The following C7 variants were observed in gnomAD, a reference collection of about 807,000 sequenced individuals.
The protein encoded by C7 is complement component C7.
Under a neutral mutation model 104.8 loss-of-function variants are expected in C7, and 83 were observed. The ratio of observed to expected loss-of-function variants is 0.79; its 90% confidence interval spans 0.66 to 0.95. The LOEUF (loss-of-function observed/expected upper bound fraction) is 0.95. C7 is among the 40% of genes least tolerant of loss of function. The pLI is 0.00. For synonymous variants in C7, 415 were observed against 360.6 expected, an observed-to-expected ratio of 1.15 and a Z score of -1.71; for missense variants, 1,070 against 1,011.2, an observed-to-expected ratio of 1.06 and a Z score of -0.79.
At chr5:40,933,597 G>A (rs1739741987) in intron 3 of C7, among the ~76,000 whole-genome samples, 1 of 152,144 alleles carries the variant, frequency 6.6e-6, no homozygotes, top group Non-Finnish European at 1.5e-5. Flanking sequence ...TTCCTTTGTA[G>A]ATGTAGCTTC....
intron 4 of C7, among the ~76,000 whole-genome samples, chr5:40,935,980 CT>C (rs138674554): frequency 0.052 from 7,879 of 152,200 alleles, 270 homozygotes; most frequent in Non-Finnish European, 0.072. Context: ...ACTTTGTCAT[CT>C]TAGAATGACA....
At position 40,958,199 on chromosome 5, in the gene C7, A is replaced by G. The variant is rs1473024919; in HGVS notation, c.1427A>G (p.His476Arg). 6.2e-6 allele frequency: 10 copies of G among 1,613,574 alleles called. No individual in the cohort carries two copies. Among genetic ancestry groups the G allele is most frequent in the Non-Finnish European group, 8.5e-6 (10 of 1,179,682 alleles). ...GTTGAGGGGACCCATTGTCTGTGCC[A>G]TTGCAAACCGTACACATTTGGTGCG... is the stretch of plus-strand genomic sequence containing the variant. ...ATVEGTHCLC[H>R]CKPYTFGAAC... The change falls in exon 11 of 18, where the codon CAT becomes CGT. Residue 476 changes from histidine (H) to arginine (R), a missense_variant. Transcript: ENST00000313164.
chr5:40,961,004 A>G (rs1329851463), intron 12 of C7, among the ~76,000 whole-genome samples: 1 of 152,146 alleles, frequency 6.6e-6, no homozygotes, highest in African/African-American at 2.4e-5. Context: ...TTTAGGCTTA[A>G]GATTCTTACT....
chr5:40,971,207 G>T (rs1740691583), intron 14 of C7, among the ~76,000 whole-genome samples: 1 of 152,174 alleles, frequency 6.6e-6, no homozygotes, highest in African/African-American at 2.4e-5. Flanking sequence ...TACCAATAGT[G>T]TAAAAGCGTT....
chr5:40,953,064 G>T (rs1458709411), intron 9 of C7, among the ~76,000 whole-genome samples: 1 of 152,076 alleles, frequency 6.6e-6, no homozygotes, highest in African/African-American at 2.4e-5. Flanking sequence ...TCAGATGATT[G>T]TGATTCAGTA....
In C7 at chr5:40,984,553, G is replaced by A. The variant is rs541046381; in HGVS notation, c.*2980G>A. Among the ~76,000 whole-genome samples the A allele has an allele frequency of 8.5e-5, 13 of 152,212 alleles. No individual in the cohort carries two copies. The highest frequency in any genetic ancestry group is 1.3e-4 in the Non-Finnish European group (9 of 68,018). On this transcript the variant is annotated 3_prime_UTR_variant, in exon 18 of 18. Coordinates refer to ENST00000313164, the MANE Select transcript of C7 (RefSeq NM_000587.4). ...CTAGTATGTGTCCATTTATGTGCCC[G>A]GCTTATTATGTGTCCACTTATGTGT...
At chr5:40,972,625 C>T (rs959972422) in intron 15 of C7, 31 bp downstream of exon 15, 2 of 1,546,186 alleles carry the variant, frequency 1.3e-6, no homozygotes, top group Non-Finnish European at 8.7e-7. Context: ...TCCAAGGACA[C>T]TTGTACCCAG....
At chr5:40,931,465 A>C (rs1469813845) in intron 3 of C7, among the ~76,000 whole-genome samples, 1 of 152,226 alleles carries the variant, frequency 6.6e-6, no homozygotes, top group African/African-American at 2.4e-5. Context: ...TGACATTTTT[A>C]GATAATGTAA....
At chr5:40,970,645 G>A (rs1370258282) in intron 14 of C7, among the ~76,000 whole-genome samples, 1 of 152,052 alleles carries the variant, frequency 6.6e-6, no homozygotes, top group South Asian at 2.1e-4. Flanking sequence ...GAATGTGCAG[G>A]TTTGTTACAT....
chr5:40,942,347 T>C (rs760740936), intron 6 of C7, among the ~76,000 whole-genome samples: 1 of 151,914 alleles, frequency 6.6e-6, no homozygotes, highest in Non-Finnish European at 1.5e-5. Context: ...GAACAATCAA[T>C]CCATCTAATC....
At chr5:40,933,361 T>C (rs1233554369) in intron 3 of C7, among the ~76,000 whole-genome samples, 1 of 152,172 alleles carries the variant, frequency 6.6e-6, no homozygotes, top group Non-Finnish European at 1.5e-5. Context: ...TTGGTTCCGT[T>C]TTGTTTGTTA....
At chr5:40,952,460 G>A (rs933347432) in intron 9 of C7, among the ~76,000 whole-genome samples, 1 of 134,768 alleles carries the variant, frequency 7.4e-6, no homozygotes, top group African/African-American at 2.7e-5. Flanking sequence ...ACATCATGAT[G>A]GTAGAATCTG....
At chr5:40,923,786 C>A (rs927775824) in intron 1 of C7, among the ~76,000 whole-genome samples, 1 of 151,378 alleles carries the variant, frequency 6.6e-6, no homozygotes, top group Non-Finnish European at 1.5e-5. Context: ...AAATGTCATG[C>A]ACTTTAAAAC....
rs549642212 is a variant in C7 at position 40,971,539 on chromosome 5, C to CT, written c.1883-863dup. ...CATTGTCTCCCATTCTGTAGGTTGC[C>CT]TGTTTACTCTGATGATAGTTTCTTT... On this transcript the variant is annotated intron_variant, in intron 14 of 17. Transcript: ENST00000313164. Among the ~76,000 whole-genome samples the CT allele has an allele frequency of 2.6e-5, 4 of 152,236 alleles. No homozygotes were observed. In the South Asian group the frequency reaches 8.3e-4, roughly 32 times the overall value.
intron 14 of C7, among the ~76,000 whole-genome samples, chr5:40,965,657 T>TTC (rs1740531689): frequency 6.9e-6 from 1 of 145,604 alleles, no homozygotes; most frequent in African/African-American, 2.5e-5. Context: ...TATTTTTTTT[T>TTC]TGGAGACAGA....
chr5:40,968,590 ATATATATATATTTTTTTTTTTTTTTTT>A (rs1169643205), intron 14 of C7, among the ~76,000 whole-genome samples: 3 of 43,862 alleles, frequency 6.8e-5, no homozygotes, highest in Non-Finnish European at 4.2e-5. Context: ...ATATATATAT[ATATATATATATTTTTTTTTTTTTTTTT>A]TTTTTTTTTT....
intron 8 of C7, among the ~76,000 whole-genome samples, chr5:40,948,354 G>A (rs1740095258): frequency 6.6e-6 from 1 of 152,084 alleles, no homozygotes; most frequent in African/African-American, 2.4e-5. Flanking sequence ...TGAGTTACAT[G>A]TATTAGTAAT....
At position 40,926,480 on chromosome 5, in the gene C7, T is replaced by G. The variant is rs565264715; in HGVS notation, c.7-2100T>G. 2.0e-5 allele frequency among the ~76,000 whole-genome samples: 3 copies of G among 152,196 alleles called. 1 individual carries two copies. Among genetic ancestry groups the G allele is most frequent in the Admixed American group, 2.0e-4 (3 of 15,266 alleles). On this transcript the variant is annotated intron_variant, in intron 1 of 17. Transcript: ENST00000313164. Reference sequence around the variant, plus strand: ...TAGAAAGGGAAGAAGTGAAAATGCCTGTGTTTGCTGGTGACACAATCTTAT... The same window carrying G: ...TAGAAAGGGAAGAAGTGAAAATGCCGGTGTTTGCTGGTGACACAATCTTAT...
chr5:40,979,845 C>G lies in C7; in HGVS notation c.2286C>G (p.Ser762Arg), dbSNP rs748223986. The G allele has an allele frequency of 1.2e-6, 2 of 1,612,270 alleles. No homozygotes were observed. Among genetic ancestry groups the G allele is most frequent in the South Asian group, 2.2e-5 (2 of 90,698 alleles). The change falls in exon 17 of 18, where the codon AGC (serine) becomes AGG (arginine). Residue 762 changes from serine (S) to arginine (R), a missense_variant. By Grantham distance (110) the Ser-to-Arg change is moderately radical (BLOSUM62 -1). Transcript: ENST00000313164. The part of the protein sequence containing the change: ...GRNYTLTGRD[S>R]CTLPASAEKA... ...ATTACACCCTTACTGGTAGGGACAG[C>G]TGTACTCTGCCTGCCTCAGCTGAGA...
Sources: allele counts gnomAD v4.1 joint callset (sites outside exome capture counted in the v4.1 genomes callset), GRCh38; gene constraint gnomAD v4.1.1; transcripts MANE v1.5; gene names NCBI Gene and HGNC (gene_info 2026-07-23, HGNC 2026-07-21).